The following DPYS variants were observed in gnomAD, a reference collection of about 807,000 sequenced individuals.
The protein encoded by DPYS is dihydropyrimidine amidohydrolase.
In DPYS, 39 loss-of-function variants were observed where a neutral mutation model predicts 50.3. That is an observed-to-expected ratio of 0.78 (90% CI 0.60 to 1.01). DPYS has a LOEUF of 1.01. Ranked by LOEUF, DPYS falls within the 50% of genes least tolerant of loss-of-function variation. The pLI, the probability that DPYS is intolerant of heterozygous loss-of-function variation, is 0.00. For missense variants in DPYS, 659 were observed against 680.9 expected (o/e 0.97, Z 0.36); for synonymous variants, 245 against 250.7 (o/e 0.98, Z 0.22).
intron 1 of DPYS, among the ~76,000 whole-genome samples, chr8:104,457,319 C>T (rs1319775619): frequency 2.0e-5 from 3 of 152,174 alleles, no homozygotes; most frequent in South Asian, 4.1e-4. Context: ...GGAGGACTCA[C>T]GTCCCAGTCC....
intron 7 of DPYS, among the ~76,000 whole-genome samples, chr8:104,406,433 G>A (rs1457269125): frequency 6.6e-6 from 1 of 152,166 alleles, no homozygotes; most frequent in Non-Finnish European, 1.5e-5. Flanking sequence ...TGAGAATGTG[G>A]TCAGGTTTGC....
chr8:104,416,645 T>G (rs1462485901), intron 7 of DPYS, among the ~76,000 whole-genome samples: 2 of 145,882 alleles, frequency 1.4e-5, no homozygotes, highest in Non-Finnish European at 3.0e-5. Context: ...GCTGCTGTGC[T>G]GATGTGCATG....
At chr8:104,455,923 T>C (rs755184246) in intron 1 of DPYS, among the ~76,000 whole-genome samples, 3 of 152,188 alleles carry the variant, frequency 2.0e-5, no homozygotes, top group Admixed American at 6.5e-5. Context: ...ATATTTTACA[T>C]ATAAATATAT....
chr8:104,424,101 A>G, intron 7 of DPYS, 146 bp downstream of exon 7: 1 of 1,544,626 alleles, frequency 6.5e-7, no homozygotes, highest in Non-Finnish European at 8.7e-7. Context: ...CAAAACCTTT[A>G]TCTTGTGTAC....
chr8:104,411,050 G>A (rs1274491972), intron 7 of DPYS, among the ~76,000 whole-genome samples: 1 of 152,100 alleles, frequency 6.6e-6, no homozygotes, highest in East Asian at 1.9e-4. Flanking sequence ...ACCAGCACGT[G>A]AGACCTCCTT....
chr8:104,420,167 A>T (rs1378149732), intron 7 of DPYS: 1 of 152,252 alleles, frequency 6.6e-6, no homozygotes, highest in African/African-American at 2.4e-5. Context: ...AGAGGCAGAC[A>T]GTGACGATGG....
chr8:104,391,338 G>T (rs545177930), intron 8 of DPYS, among the ~76,000 whole-genome samples: 1 of 152,266 alleles, frequency 6.6e-6, no homozygotes, highest in Middle Eastern at 3.4e-3. Flanking sequence ...AGAAGCCTTA[G>T]AACTAGTCCA....
chr8:104,438,573 T>G (rs2140681819), intron 4 of DPYS, among the ~76,000 whole-genome samples: 1 of 152,318 alleles, frequency 6.6e-6, no homozygotes, highest in African/African-American at 2.4e-5. Flanking sequence ...TCTCTGAAGT[T>G]CTCTTCTCAC....
chr8:104,438,637 A>G (rs934496626), intron 4 of DPYS, among the ~76,000 whole-genome samples: 1 of 152,184 alleles, frequency 6.6e-6, no homozygotes, highest in Non-Finnish European at 1.5e-5. Context: ...TGACAGTTCT[A>G]AATTTTAGAC....
At chr8:104,439,342 T>C (rs1350732573) in intron 4 of DPYS, among the ~76,000 whole-genome samples, 1 of 152,196 alleles carries the variant, frequency 6.6e-6, no homozygotes, top group East Asian at 1.9e-4. Flanking sequence ...AGATAGAAGA[T>C]ACTTACTTTC....
chr8:104,409,462 G>A (rs1812102295), intron 7 of DPYS, among the ~76,000 whole-genome samples: 1 of 151,926 alleles, frequency 6.6e-6, no homozygotes, highest in Non-Finnish European at 1.5e-5. Context: ...TCCAGCCTGG[G>A]TGACAGAGAA....
rs187053607 is a variant in DPYS at position 104,399,088 on chromosome 8, C to T, written c.1236-6097G>A. ...GGCAGATCACTTGAGGTCAGGAGTT[C>T]GAGACCAGCCTGGCCAACATGGTGA... On this transcript the variant is annotated intron_variant, in intron 7 of 9. Transcript: ENST00000351513. 4.6e-3 allele frequency among the ~76,000 whole-genome samples: 695 copies of T among 151,874 alleles called. 23 individuals carry two copies. In the East Asian group the frequency reaches 0.086, roughly 19 times the overall value.
At chr8:104,433,022 T>C (rs533094863) in intron 4 of DPYS, among the ~76,000 whole-genome samples, 1 of 152,298 alleles carries the variant, frequency 6.6e-6, no homozygotes, top group South Asian at 2.1e-4. Context: ...CTGTGGTTCT[T>C]ATACGAAGAG....
At position 104,447,522 on chromosome 8, in the gene DPYS, C is replaced by A. The variant is rs764907105; in HGVS notation, c.424-19G>T. On this transcript the variant is annotated intron_variant, in intron 2 of 9. Transcript: ENST00000351513. ...CTTTAACCTAAAAGGAAGCAGCAAC[C>A]ATAACAACAATATGTTACTCTAATT... is the stretch of plus-strand genomic sequence containing the variant. The A allele has an allele frequency of 1.2e-6, 2 of 1,613,134 alleles. No homozygotes were observed. The highest frequency in any genetic ancestry group is 2.2e-5 in the South Asian group (2 of 91,016).
intron 1 of DPYS, among the ~76,000 whole-genome samples, chr8:104,459,096 G>A (rs1814030158): frequency 6.6e-6 from 1 of 152,186 alleles, no homozygotes; most frequent in Non-Finnish European, 1.5e-5. Context: ...AAAAATTGAA[G>A]TGTCCTTTCT....
At chr8:104,392,444 G>C (rs1172981722) in intron 8 of DPYS, among the ~76,000 whole-genome samples, 1 of 152,040 alleles carries the variant, frequency 6.6e-6, no homozygotes, top group Non-Finnish European at 1.5e-5. Context: ...TTCTTTCACA[G>C]GTGTTTCCCC....
At chr8:104,456,928 T>C (rs984868983) in intron 1 of DPYS, among the ~76,000 whole-genome samples, 1 of 152,246 alleles carries the variant, frequency 6.6e-6, no homozygotes, top group Admixed American at 6.5e-5. Context: ...TGTTTAAGAA[T>C]ATTCCATTGT....
At chr8:104,423,401 C>A (rs1225580392) in intron 7 of DPYS, among the ~76,000 whole-genome samples, 1 of 152,016 alleles carries the variant, frequency 6.6e-6, no homozygotes, top group African/African-American at 2.4e-5. Context: ...CATCGTTTTC[C>A]CAAAGGTAAC....
chr8:104,395,572 C>T (rs1811554841), intron 7 of DPYS, among the ~76,000 whole-genome samples: 1 of 152,198 alleles, frequency 6.6e-6, no homozygotes, highest in Non-Finnish European at 1.5e-5. Flanking sequence ...GTATGACTGA[C>T]TTATCTAATT....
Sources: allele counts gnomAD v4.1 joint callset (sites outside exome capture counted in the v4.1 genomes callset), GRCh38; gene constraint gnomAD v4.1.1; transcripts MANE v1.5; gene names NCBI Gene and HGNC (gene_info 2026-07-23, HGNC 2026-07-21).